Variants in ITPA observed in about 807,000 individuals in gnomAD.
ITPA encodes the protein inosine triphosphatase, also known as inosine triphosphate pyrophosphatase.
A neutral mutation model predicts 29.6 loss-of-function variants in ITPA; 29 were observed. The ratio of observed to expected loss-of-function variants is 0.98; its 90% CI spans 0.73 to 1.34. ITPA has a LOEUF of 1.34. ITPA is among the 40% of genes most tolerant of loss of function. The pLI is 0.00. For synonymous variants in ITPA, 103 were observed against 99.3 expected (o/e 1.04, Z -0.22); for missense variants, 241 against 251.5 (o/e 0.96, Z 0.28).
chr20:3,210,296 A>G (rs1210082789), intron 1 of ITPA, among the ~76,000 whole-genome samples: 1 of 152,188 alleles, frequency 6.6e-6, no homozygotes, highest in African/African-American at 2.4e-5. Flanking sequence ...AGTTCTCTCA[A>G]GAAGCTGACT....
intron 5 of ITPA, among the ~76,000 whole-genome samples, chr20:3,217,481 AT>A (rs774934890): frequency 1.3e-5 from 2 of 151,444 alleles, no homozygotes; most frequent in Non-Finnish European, 2.9e-5. Flanking sequence ...ATTTGTTTTA[AT>A]TTTTTTTGGA....
chr20:3,216,357 A>G (rs962664548), intron 5 of ITPA, among the ~76,000 whole-genome samples: 1 of 145,872 alleles, frequency 6.9e-6, no homozygotes, highest in East Asian at 2.1e-4. Context: ...TTGGGATTTC[A>G]CCATGTAGGC....
At chr20:3,214,523 C>G (rs1456162404) in intron 4 of ITPA, among the ~76,000 whole-genome samples, 1 of 151,214 alleles carries the variant, frequency 6.6e-6, no homozygotes, top group African/African-American at 2.4e-5. Flanking sequence ...TGCGTCACCA[C>G]ACCCAGCTAA....
At chr20:3,208,018 AAGAG>A (rs1330586907), upstream of ITPA, among the ~76,000 whole-genome samples, 2 of 151,632 alleles carry the variant, frequency 1.3e-5, no homozygotes, top group Non-Finnish European at 2.9e-5. Flanking sequence ...AAAAAAGAAA[AAGAG>A]AGGTGAGCAA....
In ITPA at chr20:3,218,594, C is replaced by T. The variant is rs759229958; in HGVS notation, c.373C>T (p.Pro125Ser). The T allele has an allele frequency of 4.3e-6, 7 of 1,613,714 alleles. No individual in the cohort carries two copies. The South Asian group carries it at 5.5e-5, about 13-fold the overall frequency. The change falls in exon 6 of 8, where the codon CCA becomes TCA. Residue 125 changes from proline to serine, a missense_variant. Transcript: ENST00000380113. ...LCTFALSTGD[P>S]SQPVRLFRGR... ...CACGTTTGCACTCAGCACCGGGGAC[C>T]CAAGCCAGCCCGTGCGCCTGTTCAG... is the stretch of plus-strand genomic sequence containing the variant.
chr20:3,207,554 T>C (rs2067082524), upstream of ITPA, among the ~76,000 whole-genome samples: 1 of 150,904 alleles, frequency 6.6e-6, no homozygotes, highest in South Asian at 2.1e-4. Context: ...ATTCACTGGG[T>C]GTGGTGGTGC....
downstream of ITPA, among the ~76,000 whole-genome samples, chr20:3,225,537 C>A (rs2067545465): frequency 6.6e-6 from 1 of 152,146 alleles, no homozygotes; most frequent in Non-Finnish European, 1.5e-5. Flanking sequence ...GTGGGGGTTC[C>A]TGGAGGGTGA....
intron 1 of ITPA, 87 bp from the exon 2 acceptor site, chr20:3,213,082 T>A: frequency 7.4e-7 from 1 of 1,345,618 alleles, no homozygotes; most frequent in Non-Finnish European, 1.1e-6. Context: ...GCAGCAGAGT[T>A]ATCGATGAGA....
intron 4 of ITPA, among the ~76,000 whole-genome samples, chr20:3,214,363 C>CTTT (rs57982806): frequency 6.2e-5 from 7 of 112,916 alleles, no homozygotes; most frequent in African/African-American, 6.0e-5. Flanking sequence ...TTCTTCCTTT[C>CTTT]TTTTTTTTTT....
Position 3,209,589 on chromosome 20 carries a change from T to G in ITPA, c.38T>G (p.Val13Gly). The G allele has an allele frequency of 6.2e-7, 1 of 1,613,998 alleles. No individual in the cohort carries two copies. The highest frequency in any genetic ancestry group is 2.2e-5 in the East Asian group (1 of 44,874). ...TTGGTGGGGAAGAAGATCGTGTTTG[T>G]AACGGGGAACGCCAAGAAGCTGGAG... ...ASLVGKKIVF[V>G]TGNAKKLEEV... The change falls in exon 1 of 8, where the codon GTA becomes GGA. Residue 13 changes from valine to glycine, a missense_variant. Coordinates refer to ENST00000380113, the MANE Select transcript of ITPA (RefSeq NM_033453.4). The surrounding 1 kb of genome is among the most constrained non-coding windows in gnomAD (Gnocchi z 4.6).
In ITPA at chr20:3,221,572, G is replaced by A. The variant is rs1420097216; in HGVS notation, c.412-269G>A. ...TCAGTGATGTCCCAATTTGTCCCGG[G>A]TGTGGCTGGCGAGGGCGCGTGGCCC... On this transcript the variant is annotated intron_variant, in intron 6 of 7. Coordinates refer to ENST00000380113, the MANE Select transcript of ITPA (RefSeq NM_033453.4). Among the ~76,000 whole-genome samples the A allele has an allele frequency of 5.2e-5, 6 of 114,438 alleles. No homozygotes were observed. The Middle Eastern group carries it at 0.016, about 310-fold the overall frequency. 75.1% of individuals were successfully genotyped at this position (114,438 alleles called of 152,430 possible).
chr20:3,224,251 G>A (rs1335334014), downstream of ITPA, among the ~76,000 whole-genome samples: 4 of 152,324 alleles, frequency 2.6e-5, no homozygotes, highest in South Asian at 4.1e-4. Flanking sequence ...GACCCCACTC[G>A]GCGTGATCGC....
upstream of ITPA, chr20:3,204,821 T>C: frequency 1.8e-6 from 1 of 570,736 alleles, no homozygotes; most frequent in Non-Finnish European, 3.1e-6. Context: ...AAGAGGAAAT[T>C]ATAGCAGACG....
chr20:3,213,465 T>G (rs1338962794), intron 3 of ITPA, 82 bp downstream of exon 3: 2 of 1,536,584 alleles, frequency 1.3e-6, no homozygotes, highest in Non-Finnish European at 1.8e-6. Context: ...AACAATAGAG[T>G]AGACACAGTT....
In ITPA at chr20:3,211,712, C is replaced by T. The variant is rs193243974; in HGVS notation, c.67-1457C>T. On this transcript the variant is annotated intron_variant, in intron 1 of 7. Coordinates refer to ENST00000380113, the MANE Select transcript of ITPA (RefSeq NM_033453.4). ...TTCTCCATGTTGGTCAGGCTGGTCTCGAACTCCCGACCTCAGGTGATCCGC... is the reference window on the plus strand; with the variant it reads ...TTCTCCATGTTGGTCAGGCTGGTCTTGAACTCCCGACCTCAGGTGATCCGC... Among the ~76,000 whole-genome samples the T allele has an allele frequency of 1.6e-3, 245 of 152,164 alleles. 3 individuals carry two copies. Among genetic ancestry groups the T allele is most frequent in the Non-Finnish European group, 2.4e-4 (16 of 68,014 alleles).
chr20:3,219,862 CAT>C (rs1568517586), intron 6 of ITPA, among the ~76,000 whole-genome samples: 1 of 151,480 alleles, frequency 6.6e-6, no homozygotes, highest in African/African-American at 2.4e-5. Flanking sequence ...GCCTGGGTAA[CAT>C]AGCCAGACCC....
At chr20:3,221,983 G>T in intron 7 of ITPA, 66 bp downstream of exon 7, 1 of 1,483,052 alleles carries the variant, frequency 6.7e-7, no homozygotes, top group South Asian at 1.1e-5. Flanking sequence ...GGTTGGGCCA[G>T]TGCCCCGCCC....
chr20:3,215,324 T>C lies in ITPA; in HGVS notation c.295+12T>C. On this transcript the variant is annotated intron_variant, in intron 5 of 7. Coordinates refer to ENST00000380113, the MANE Select transcript of ITPA (RefSeq NM_033453.4). ...GTTAAAGCCTGAAGGTATTATCTGC[T>C]TTGTTTCTTCCCTGGATCTGTTGGG... The C allele has an allele frequency of 6.2e-7, 1 of 1,613,040 alleles. No homozygotes were observed. Among genetic ancestry groups the C allele is most frequent in the Non-Finnish European group, 8.5e-7 (1 of 1,179,004 alleles).
rs763819744 is a variant in ITPA at position 3,209,572 on chromosome 20, G to A, written c.21G>A (p.Gly7=). ...TCACCATGGCGGCCTCATTGGTGGG[G>A]AAGAAGATCGTGTTTGTAACGGGGA... MAASLV[G]KKIVFVTGNA... The change falls in exon 1 of 8, where the codon GGG becomes GGA. Residue 7 remains glycine, a synonymous_variant. Transcript: ENST00000380113. The surrounding 1 kb of genome is among the most constrained non-coding windows in gnomAD (Gnocchi z 4.6). The A allele has an allele frequency of 6.2e-7, 1 of 1,614,184 alleles. No homozygotes were observed. The highest frequency in any genetic ancestry group is 1.1e-5 in the South Asian group (1 of 91,084).
Sources: gnomAD v4.1 joint callset for allele counts (sites outside exome capture counted in the v4.1 genomes callset) on GRCh38, gnomAD v4.1.1 for gene constraint, Gnocchi (gnomAD v3.1) non-coding constraint, MANE v1.5 for transcripts, NCBI Gene and HGNC (gene_info 2026-07-23, HGNC 2026-07-21) for gene names.